The following THSD7B variants were observed in gnomAD, a reference collection of about 807,000 sequenced individuals.
The protein encoded by THSD7B is thrombospondin type 1 domain containing 7B.
Under a neutral mutation model 213.6 loss-of-function variants are expected in THSD7B, and 138 were observed. That is an observed-to-expected ratio of 0.65 (90% CI 0.56 to 0.74). The LOEUF is 0.74. Among genes scored for constraint, THSD7B ranks in the 30% least tolerant of loss-of-function variants. The pLI, the probability that THSD7B is intolerant of heterozygous loss-of-function variation, is 0.00. For synonymous variants in THSD7B, 742 were observed against 687.0 expected (o/e 1.08, Z -1.25); for missense variants, 1,931 against 1,991.5 (o/e 0.97, Z 0.58).
intron 16 of THSD7B, 132 bp from the exon 17 acceptor site, chr2:137,572,274 G>T: frequency 9.1e-7 from 1 of 1,098,090 alleles, no homozygotes; most frequent in Non-Finnish European, 1.3e-6. Flanking sequence ...GGAAAGTTTT[G>T]TTCCCCTTGG....
At position 137,572,541 on chromosome 2, in the gene THSD7B, G is replaced by C; in HGVS notation, c.3408G>C (p.Trp1136Cys). The change falls in exon 17 of 28, where the codon TGG becomes TGC. Residue 1136 changes from tryptophan to cysteine, a missense_variant. Transcript: ENST00000409968. ...GTGTCATGTCTGAGTGGGGACTTTG[G>C]AGCAAATGCCCACAGGTAATTTCTC... ...NECVMSEWGL[W>C]SKCPQSCDPH... The C allele has an allele frequency of 1.2e-6, 2 of 1,613,746 alleles. No individual in the cohort carries two copies. Among genetic ancestry groups the C allele is most frequent in the Non-Finnish European group, 1.7e-6 (2 of 1,179,756 alleles).
intron 3 of THSD7B, among the ~76,000 whole-genome samples, chr2:137,091,360 G>A (rs1275491490): frequency 6.6e-6 from 1 of 152,156 alleles, no homozygotes. Context: ...AGGGAAAAAT[G>A]AAATCAATCT....
At chr2:137,209,039 A>T (rs2105031533) in intron 7 of THSD7B, among the ~76,000 whole-genome samples, 1 of 152,140 alleles carries the variant, frequency 6.6e-6, no homozygotes, top group Middle Eastern at 3.4e-3. Flanking sequence ...AGTTTTGGGA[A>T]GGGCTATGAT....
chr2:136,767,877 C>G (rs1681435667), intron 1 of THSD7B, among the ~76,000 whole-genome samples: 1 of 152,154 alleles, frequency 6.6e-6, no homozygotes, highest in Non-Finnish European at 1.5e-5. Context: ...TAAATCAATA[C>G]TTGAGAAATG....
intron 1 of THSD7B, among the ~76,000 whole-genome samples, chr2:136,850,281 T>C (rs1455937459): frequency 7.2e-6 from 1 of 139,372 alleles, no homozygotes; most frequent in East Asian, 2.2e-4. Context: ...TCCATTCTTT[T>C]CTGAATGGTT....
At chr2:137,480,391 G>A (rs1218281041) in intron 15 of THSD7B, among the ~76,000 whole-genome samples, 3 of 152,092 alleles carry the variant, frequency 2.0e-5, no homozygotes, top group Admixed American at 2.0e-4. Flanking sequence ...AACATTTGTG[G>A]TCGAGTTATA....
chr2:136,826,482 G>A (rs1029126713), intron 1 of THSD7B, among the ~76,000 whole-genome samples: 17 of 152,136 alleles, frequency 1.1e-4, no homozygotes, highest in African/African-American at 4.1e-4. Context: ...AACTGCAAGA[G>A]GACTGGCCCA....
At chr2:137,403,861 A>G (rs1164634421) in intron 12 of THSD7B, among the ~76,000 whole-genome samples, 1 of 152,208 alleles carries the variant, frequency 6.6e-6, no homozygotes, top group Non-Finnish European at 1.5e-5. Flanking sequence ...ACTGGCATCT[A>G]ATGGGTAGAG....
intron 27 of THSD7B, among the ~76,000 whole-genome samples, chr2:137,668,791 A>G (rs1341853387): frequency 6.6e-6 from 1 of 152,190 alleles, no homozygotes; most frequent in East Asian, 1.9e-4. Context: ...AAGAAAATGT[A>G]ATTAAGAAAA....
At chr2:136,773,346 G>A (rs1263474232) in intron 1 of THSD7B, among the ~76,000 whole-genome samples, 3 of 151,944 alleles carry the variant, frequency 2.0e-5, no homozygotes, top group South Asian at 2.1e-4. Flanking sequence ...GCGCCAAGTC[G>A]GGAGGTGCAT....
At chr2:137,521,738 T>G (rs990393377) in intron 15 of THSD7B, among the ~76,000 whole-genome samples, 12 of 152,298 alleles carry the variant, frequency 7.9e-5, no homozygotes, top group Non-Finnish European at 1.3e-4. Flanking sequence ...TTTTGAGACT[T>G]CTCTGACAAT....
At chr2:137,558,737 T>C (rs1558839062) in intron 15 of THSD7B, among the ~76,000 whole-genome samples, 2 of 152,104 alleles carry the variant, frequency 1.3e-5, no homozygotes, top group African/African-American at 4.8e-5. Flanking sequence ...GAGAAAGAAA[T>C]AAATGGTATT....
chr2:137,404,480 C>CAA (rs1686458833), intron 12 of THSD7B, among the ~76,000 whole-genome samples: 1 of 121,040 alleles, frequency 8.3e-6, no homozygotes, highest in Non-Finnish European at 1.8e-5. Context: ...TATATACACA[C>CAA]ACACACACAC....
intron 17 of THSD7B, among the ~76,000 whole-genome samples, chr2:137,597,098 A>T (rs1266210790): frequency 6.6e-6 from 1 of 152,052 alleles, no homozygotes; most frequent in East Asian, 1.9e-4. Flanking sequence ...AAATTTTGAA[A>T]TTTTGTCAGA....
At chr2:137,211,331 TAC>T (rs1224147467) in intron 7 of THSD7B, among the ~76,000 whole-genome samples, 333 of 6,252 alleles carry the variant, frequency 0.053, 6 homozygotes, top group African/African-American at 0.11. Flanking sequence ...CTATCCTTCC[TAC>T]ACACACACAC....
intron 14 of THSD7B, among the ~76,000 whole-genome samples, chr2:137,449,095 T>C (rs565403113): frequency 2.3e-4 from 35 of 152,178 alleles, no homozygotes; most frequent in African/African-American, 7.7e-4. Context: ...AATGATCTTT[T>C]TTCCCCCCCT....
chr2:136,950,367 G>A (rs1358464555), intron 2 of THSD7B, among the ~76,000 whole-genome samples: 1 of 152,098 alleles, frequency 6.6e-6, no homozygotes, highest in South Asian at 2.1e-4. Context: ...AACCACCATG[G>A]CACATGTATA....
intron 4 of THSD7B, among the ~76,000 whole-genome samples, chr2:137,110,417 C>A (rs899811001): frequency 1.3e-5 from 2 of 152,182 alleles, no homozygotes; most frequent in East Asian, 3.8e-4. Flanking sequence ...ATGTCTTTAT[C>A]TTAACTGAAA....
At chr2:136,981,090 A>T (rs1685569813) in intron 2 of THSD7B, among the ~76,000 whole-genome samples, 1 of 152,092 alleles carries the variant, frequency 6.6e-6, no homozygotes, top group Non-Finnish European at 1.5e-5. Context: ...ACTTTTATAA[A>T]AACTTTTTAT....
Sources: gnomAD v4.1 joint callset for allele counts (sites outside exome capture counted in the v4.1 genomes callset) on GRCh38, gnomAD v4.1.1 for gene constraint, MANE v1.5 for transcripts, NCBI Gene and HGNC (gene_info 2026-07-23, HGNC 2026-07-21) for gene names.